Variants in IP6K1 observed in about 807,000 individuals in gnomAD.
The protein encoded by IP6K1 is ATP:1D-myo-inositol-hexakisphosphate phosphotransferase.
IP6K1 carries 13 observed loss-of-function variants against 38.3 expected under a neutral mutation model. That is an observed-to-expected ratio of 0.34 (90% CI 0.22 to 0.54). The LOEUF is 0.54. IP6K1 is among the 20% of genes least tolerant of loss of function. The pLI is 0.92. For missense variants in IP6K1, 397 were observed against 599.8 expected (o/e 0.66, Z 3.53); for synonymous variants, 212 against 229.9 (o/e 0.92, Z 0.70).
chr3:49,744,401 CAAAAAAAAAAA>C (rs56916226), intron 2 of IP6K1, among the ~76,000 whole-genome samples: 1 of 76,178 alleles, frequency 1.3e-5, no homozygotes, highest in African/African-American at 5.6e-5. Flanking sequence ...GACTCCGTCT[CAAAAAAAAAAA>C]AAAAAAAAAA....
intron 1 of IP6K1, among the ~76,000 whole-genome samples, chr3:49,776,951 T>C (rs900574360): frequency 6.6e-6 from 1 of 152,124 alleles, no homozygotes; most frequent in African/African-American, 2.4e-5. Flanking sequence ...ATCTTTTCAC[T>C]GGGCCGGGCA....
chr3:49,742,574 A>G lies in IP6K1; in HGVS notation c.224-4152T>C, dbSNP rs375393678. On this transcript the variant is annotated intron_variant, in intron 2 of 5. Transcript: ENST00000321599. ...AAAAAAGAAAAAGAAAAAAAAATAG[A>G]AGCATAGTGGAAGATATTATTAGTC... 2.0e-5 allele frequency among the ~76,000 whole-genome samples: 3 copies of G among 151,866 alleles called. No individual in the cohort carries two copies. In the East Asian group the frequency reaches 5.8e-4, roughly 29 times the overall value.
intron 1 of IP6K1, among the ~76,000 whole-genome samples, chr3:49,756,616 G>A (rs1290687897): frequency 6.6e-6 from 1 of 152,010 alleles, no homozygotes; most frequent in African/African-American, 2.4e-5. Context: ...TCAGGAGTTC[G>A]AGACCAGTCT....
chr3:49,748,179 G>A lies in IP6K1; in HGVS notation c.-128-11C>T. The A allele has an allele frequency of 1.2e-6, 1 of 844,774 alleles. No individual in the cohort carries two copies. The highest frequency in any genetic ancestry group is 1.7e-5 in the South Asian group (1 of 59,578). 52.3% of individuals were successfully genotyped at this position (844,774 alleles called of 1,614,324 possible). Reference sequence around the variant, plus strand: ...GCTTATTATTCTGTCCTACAGAAAAGAAGAGAGGAAGAAGGAATCAAAACA... The same window carrying A: ...GCTTATTATTCTGTCCTACAGAAAAAAAGAGAGGAAGAAGGAATCAAAACA... On this transcript the variant is annotated splice_polypyrimidine_tract_variant and intron_variant, in intron 1 of 5. Coordinates refer to ENST00000321599, the MANE Select transcript of IP6K1 (RefSeq NM_153273.4).
intron 4 of IP6K1, among the ~76,000 whole-genome samples, chr3:49,732,077 ACAC>A (rs2080567658): frequency 6.6e-6 from 1 of 151,782 alleles, no homozygotes; most frequent in South Asian, 2.1e-4. Flanking sequence ...CTACAAGCAC[ACAC>A]CACCACATCC....
At chr3:49,737,325 T>A (rs906950138) in intron 3 of IP6K1, among the ~76,000 whole-genome samples, 16 of 152,326 alleles carry the variant, frequency 1.1e-4, no homozygotes, top group Non-Finnish European at 1.0e-4. Context: ...ACACTTTTAT[T>A]GTCTGTCCTT....
chr3:49,785,208 C>T (rs2081100790), intron 1 of IP6K1, among the ~76,000 whole-genome samples: 1 of 152,118 alleles, frequency 6.6e-6, no homozygotes, highest in South Asian at 2.1e-4. Flanking sequence ...AATTTTAGTA[C>T]TGTTAAAAGT....
rs569705264 is a variant in IP6K1 at position 49,763,001 on chromosome 3, ACCTCAAGTGATCCACCTG to A, written c.-128-14851_-128-14834del. Among the ~76,000 whole-genome samples, 617 of 151,758 alleles carry A rather than the reference ACCTCAAGTGATCCACCTG, an allele frequency of 4.1e-3. 1 individual carries two copies. Among genetic ancestry groups the A allele is most frequent in the Non-Finnish European group, 6.6e-3 (451 of 67,924 alleles). ...TGGCCAGGCTGGTCTCAAACTCCTG[ACCTCAAGTGATCCACCTG>A]CCTCAAGTGATCCACCTGCCTCAGC... On this transcript the variant is annotated intron_variant, in intron 1 of 5. Coordinates refer to ENST00000321599, the MANE Select transcript of IP6K1 (RefSeq NM_153273.4).
intron 1 of IP6K1, among the ~76,000 whole-genome samples, chr3:49,767,079 TA>T (rs2080918846): frequency 6.6e-6 from 1 of 150,872 alleles, no homozygotes; most frequent in Non-Finnish European, 1.5e-5. Flanking sequence ...CTGGGCAACT[TA>T]ACAAGATCCC....
intron 3 of IP6K1, among the ~76,000 whole-genome samples, chr3:49,734,871 T>C (rs2080593644): frequency 6.6e-6 from 1 of 152,166 alleles, no homozygotes; most frequent in African/African-American, 2.4e-5. Flanking sequence ...GCCCCACCCC[T>C]GGAATGACGG....
intron 1 of IP6K1, among the ~76,000 whole-genome samples, chr3:49,780,619 A>T (rs1271260803): frequency 6.6e-6 from 1 of 152,184 alleles, no homozygotes; most frequent in Non-Finnish European, 1.5e-5. Flanking sequence ...CAGTGAGATC[A>T]AGCCACAACA....
Position 49,725,318 on chromosome 3 carries a change from A to G in IP6K1, c.*1804T>C, listed in dbSNP as rs1255473088. ...CCCTCCACCCTACCAGGGAATGACT[A>G]TCTACACTAATGAAGGGCTACTGCC... On this transcript the variant is annotated 3_prime_UTR_variant, in exon 6 of 6. Transcript: ENST00000321599. 9.8e-5 allele frequency: 15 copies of G among 152,434 alleles called. No individual in the cohort carries two copies. Among genetic ancestry groups the G allele is most frequent in the Admixed American group, 9.8e-4 (15 of 15,280 alleles). The allele number at this position is 152,434 out of a possible 1,614,324, so 9.4% of individuals were successfully genotyped here.
chr3:49,766,689 C>T lies in IP6K1; in HGVS notation c.-128-18521G>A, dbSNP rs533658126. The stretch of plus-strand genomic sequence containing the variant: ...AAAAAAAAAAAAGAAAGAAATCAGC[C>T]AGGTACAGTGGCTCACACCTGTAAT... On this transcript the variant is annotated intron_variant, in intron 1 of 5. Coordinates refer to ENST00000321599, the MANE Select transcript of IP6K1 (RefSeq NM_153273.4). Among the ~76,000 whole-genome samples the T allele has an allele frequency of 4.0e-5, 6 of 149,120 alleles. No individual in the cohort carries two copies. The East Asian group carries it at 1.0e-3, about 25-fold the overall frequency.
At chr3:49,768,197 C>A (rs1183128537) in intron 1 of IP6K1, among the ~76,000 whole-genome samples, 1 of 152,150 alleles carries the variant, frequency 6.6e-6, no homozygotes, top group Non-Finnish European at 1.5e-5. Context: ...TAGGTCTATA[C>A]CCAAAAGAAC....
intron 2 of IP6K1, among the ~76,000 whole-genome samples, chr3:49,743,926 T>C (rs1031224367): frequency 6.6e-6 from 1 of 151,560 alleles, no homozygotes; most frequent in Non-Finnish European, 1.5e-5. Flanking sequence ...GGCGGAGCCA[T>C]GGTTTCGAGG....
intron 2 of IP6K1, among the ~76,000 whole-genome samples, chr3:49,738,795 G>C (rs942443515): frequency 3.3e-5 from 5 of 151,990 alleles, no homozygotes; most frequent in Non-Finnish European, 7.4e-5. Flanking sequence ...CATTTCCTGT[G>C]TGTGTCCTCC....
intron 1 of IP6K1, among the ~76,000 whole-genome samples, chr3:49,768,061 G>T (rs1157544295): frequency 1.3e-5 from 2 of 150,410 alleles, no homozygotes; most frequent in African/African-American, 4.9e-5. Flanking sequence ...TAGAAAATAA[G>T]TGTTGGCAAG....
chr3:49,778,584 G>C (rs541415127), intron 1 of IP6K1, among the ~76,000 whole-genome samples: 2 of 152,190 alleles, frequency 1.3e-5, no homozygotes, highest in South Asian at 2.1e-4. Flanking sequence ...AGTGAGCCGA[G>C]ATCGTGCCTC....
chr3:49,739,713 G>C (rs938830129), intron 2 of IP6K1, among the ~76,000 whole-genome samples: 4 of 151,958 alleles, frequency 2.6e-5, no homozygotes, highest in African/African-American at 9.7e-5. Flanking sequence ...GAGTGCAGTG[G>C]TGCCATCATA....
Sources: gnomAD v4.1 joint callset for allele counts (sites outside exome capture counted in the v4.1 genomes callset) on GRCh38, gnomAD v4.1.1 for gene constraint, MANE v1.5 for transcripts, NCBI Gene and HGNC (gene_info 2026-07-23, HGNC 2026-07-21) for gene names.